SH3BGRL2: variants seen among roughly 807,000 people sequenced by gnomAD.
SH3BGRL2 encodes SH3 domain-binding glutamic acid-rich-like protein 2.
Under a neutral mutation model 14.8 loss-of-function variants are expected in SH3BGRL2, and 21 were observed. That is an observed-to-expected ratio of 1.42 (90% CI 1.01 to 2.05). The LOEUF (loss-of-function observed/expected upper bound fraction) is 2.05, where lower values mean the gene tolerates loss of function less well. SH3BGRL2 is among the 30% of genes most tolerant of loss of function. The pLI, the probability that SH3BGRL2 is intolerant of heterozygous loss-of-function variation, is 0.00. For synonymous variants in SH3BGRL2, 50 were observed against 47.8 expected, an observed-to-expected ratio of 1.05 and a Z score of -0.19; for missense variants, 147 against 130.8, an observed-to-expected ratio of 1.12 and a Z score of -0.61.
At chr6:79,684,290 T>C (rs1055451303) in intron 2 of SH3BGRL2, among the ~76,000 whole-genome samples, 3 of 152,208 alleles carry the variant, frequency 2.0e-5, no homozygotes, top group African/African-American at 7.2e-5. Context: ...TATTACACTT[T>C]CTGTAATTAA....
intron 1 of SH3BGRL2, 92 bp from the exon 2 acceptor site, chr6:79,673,522 G>T: frequency 4.7e-6 from 6 of 1,290,006 alleles, no homozygotes; most frequent in Admixed American, 4.5e-5. Flanking sequence ...CTCTTTTTTT[G>T]TATCAATGAC....
chr6:79,596,237 C>T, the SH3BGRL2 span, among the ~76,000 whole-genome samples: 1 of 152,222 alleles, frequency 6.6e-6, no homozygotes, highest in Non-Finnish European at 1.5e-5. Context: ...CGGATTACTG[C>T]AGCCTCGACT....
chr6:79,565,429 A>G, the SH3BGRL2 span, among the ~76,000 whole-genome samples: 2 of 152,130 alleles, frequency 1.3e-5, no homozygotes, highest in Non-Finnish European at 2.9e-5. Flanking sequence ...TTACTGCCAT[A>G]TTTTATTTAA....
chr6:79,659,992 A>G (rs754738613), intron 1 of SH3BGRL2, among the ~76,000 whole-genome samples: 11 of 152,184 alleles, frequency 7.2e-5, no homozygotes, highest in Admixed American at 2.6e-4. Flanking sequence ...TTGATTTTGT[A>G]TCCTGAGACT....
At chr6:79,645,506 T>C (rs1357245812) in intron 1 of SH3BGRL2, among the ~76,000 whole-genome samples, 1 of 152,164 alleles carries the variant, frequency 6.6e-6, no homozygotes, top group African/African-American at 2.4e-5. Context: ...GTATCCTTGG[T>C]GTCTACACAG....
At chr6:79,696,437 T>C in intron 2 of SH3BGRL2, 48 bp from the exon 3 acceptor site, 1 of 1,341,538 alleles carries the variant, frequency 7.5e-7, no homozygotes, top group Non-Finnish European at 1.0e-6. Context: ...AATATAAAGA[T>C]AATTGTTTGC....
chr6:79,621,531 G>T, the SH3BGRL2 span, among the ~76,000 whole-genome samples: 3 of 152,198 alleles, frequency 2.0e-5, no homozygotes, highest in African/African-American at 7.2e-5. Context: ...AACTCATGTT[G>T]TTTATAAGTT....
chr6:79,672,534 G>GT (rs770861634), intron 1 of SH3BGRL2, among the ~76,000 whole-genome samples: 34 of 148,698 alleles, frequency 2.3e-4, no homozygotes, highest in Non-Finnish European at 4.5e-4. Context: ...CAGAGCTTCT[G>GT]TTTTTTTTCT....
the SH3BGRL2 span, among the ~76,000 whole-genome samples, chr6:79,588,484 A>G: frequency 1.3e-5 from 2 of 152,126 alleles, no homozygotes; most frequent in African/African-American, 2.4e-5. Flanking sequence ...ATTCTGGGAA[A>G]TGTATGCCCT....
rs998087728 is a variant in SH3BGRL2, at chr6:79,678,320, A to G, written c.231+4521A>G. On this transcript the variant is annotated intron_variant, in intron 2 of 3. Coordinates refer to ENST00000369838, the MANE Select transcript of SH3BGRL2 (RefSeq NM_031469.4). Reference sequence around the variant, plus strand: ...TTGCCCCCTTCCTCAGCTCCTGGTAACCACTATTCTACTTTCTCTATATAA... The same window carrying G: ...TTGCCCCCTTCCTCAGCTCCTGGTAGCCACTATTCTACTTTCTCTATATAA... Among the ~76,000 whole-genome samples the G allele has an allele frequency of 4.6e-4, 70 of 152,154 alleles. 1 individual carries two copies. The highest frequency in any genetic ancestry group is 1.6e-3 in the African/African-American group (68 of 41,430).
In SH3BGRL2 at chr6:79,702,417, G is replaced by C. The variant is rs1412302932; in HGVS notation, c.*2908G>C. The C allele has an allele frequency of 6.6e-6, 1 of 152,530 alleles. No homozygotes were observed. The highest frequency in any genetic ancestry group is 1.5e-5 in the Non-Finnish European group (1 of 68,036). The allele number at this position is 152,530 out of a possible 1,614,324, so 9.4% of individuals were successfully genotyped here. Reference sequence around the variant, plus strand: ...TTGCTCCATATAATTATTGTTTTCAGATTTCAACTTGTATGTGTTTGTCTC... The same window carrying C: ...TTGCTCCATATAATTATTGTTTTCACATTTCAACTTGTATGTGTTTGTCTC... On this transcript the variant is annotated 3_prime_UTR_variant, in exon 4 of 4. Coordinates refer to ENST00000369838, the MANE Select transcript of SH3BGRL2 (RefSeq NM_031469.4).
At chr6:79,654,504 G>A (rs533914122) in intron 1 of SH3BGRL2, among the ~76,000 whole-genome samples, 2 of 152,268 alleles carry the variant, frequency 1.3e-5, no homozygotes, top group Admixed American at 1.3e-4. Flanking sequence ...GATAAAGACC[G>A]ATGGTGAACC....
At position 79,673,625 on chromosome 6, in the gene SH3BGRL2, G is replaced by A; in HGVS notation, c.57G>A (p.Lys19=). The A allele has an allele frequency of 6.2e-7, 1 of 1,613,792 alleles. No homozygotes were observed. The highest frequency in any genetic ancestry group is 8.5e-7 in the Non-Finnish European group (1 of 1,179,904). Residue 19 remains lysine (K), a synonymous_variant, in exon 2 of 4, where the codon AAG becomes AAA. Transcript: ENST00000369838. ...SSSGFVAIKK[K]QQDVVRFLEA... ...TCTTCTCTCTTTAGATAAAGAAGAAGCAGCAAGATGTGGTTAGATTTCTGG... is the reference window on the plus strand; with the variant it reads ...TCTTCTCTCTTTAGATAAAGAAGAAACAGCAAGATGTGGTTAGATTTCTGG...
the SH3BGRL2 span, among the ~76,000 whole-genome samples, chr6:79,587,876 A>G: frequency 6.6e-6 from 1 of 152,216 alleles, no homozygotes; most frequent in Admixed American, 6.5e-5. Flanking sequence ...GCAATAAGAC[A>G]AAGAAAAAAG....
rs866293625 is a variant in SH3BGRL2, at chr6:79,648,496, G to T, written c.45+16990G>T. Among the ~76,000 whole-genome samples, 30 of 151,278 alleles carry T rather than the reference G, an allele frequency of 2.0e-4. 1 individual carries two copies. Among genetic ancestry groups the T allele is most frequent in the African/African-American group, 7.0e-4 (29 of 41,204 alleles). On this transcript the variant is annotated intron_variant, in intron 1 of 3. Coordinates refer to ENST00000369838, the MANE Select transcript of SH3BGRL2 (RefSeq NM_031469.4). ...GTGGCATTGCTATTTCCTGATGAAGGTTATTCTTTCCCCTCCCTTCCACCT... is the reference window on the plus strand; with the variant it reads ...GTGGCATTGCTATTTCCTGATGAAGTTTATTCTTTCCCCTCCCTTCCACCT...
At chr6:79,561,425 T>A in the SH3BGRL2 span, 1 of 152,158 alleles carries the variant, frequency 6.6e-6, no homozygotes, top group Non-Finnish European at 1.5e-5. Flanking sequence ...GTTGTAATCA[T>A]CAATTGACTA....
At chr6:79,623,281 G>C in the SH3BGRL2 span, among the ~76,000 whole-genome samples, 3 of 146,580 alleles carry the variant, frequency 2.0e-5, no homozygotes, top group African/African-American at 7.6e-5. Context: ...TGGCCTGGGC[G>C]ATACAGTGAG....
intron 2 of SH3BGRL2, among the ~76,000 whole-genome samples, chr6:79,685,575 C>T (rs1770074789): frequency 6.6e-6 from 1 of 152,066 alleles, no homozygotes; most frequent in East Asian, 1.9e-4. Context: ...TTGACATTCT[C>T]ATTTCTCCCC....
the SH3BGRL2 span, among the ~76,000 whole-genome samples, chr6:79,586,235 CTTTTTTTTTTTT>C: frequency 7.3e-5 from 4 of 54,962 alleles, no homozygotes; most frequent in Non-Finnish European, 9.4e-5. Context: ...GTATGGACTT[CTTTTTTTTTTTT>C]TTTTTTTTTT....
Sources: allele counts gnomAD v4.1 joint callset (sites outside exome capture counted in the v4.1 genomes callset), GRCh38; gene constraint gnomAD v4.1.1; transcripts MANE v1.5; gene names NCBI Gene and HGNC (gene_info 2026-07-23, HGNC 2026-07-21).